The following RPA1 variants were observed in gnomAD, a reference collection of about 807,000 sequenced individuals.
RPA1 encodes replication protein A 70 kDa DNA-binding subunit.
A neutral mutation model predicts 83.0 loss-of-function variants in RPA1; 49 were observed. The ratio of observed to expected loss-of-function variants is 0.59; its 90% CI spans 0.47 to 0.75. The LOEUF is 0.75. RPA1 is among the 30% of genes least tolerant of loss of function. The pLI is 0.00. For missense variants in RPA1, 693 were observed against 776.1 expected (o/e 0.89, Z 1.27); for synonymous variants, 279 against 281.8 (o/e 0.99, Z 0.10).
rs565912570 is a variant in RPA1 at position 1,858,596 on chromosome 17, T to G, written c.361+5407T>G. Reference sequence around the variant, plus strand: ...CTCCCACATCAGCCTCCTGAGTAGCTGGGACTATTGGTGTGTGCCACCATG... The same window carrying G: ...CTCCCACATCAGCCTCCTGAGTAGCGGGGACTATTGGTGTGTGCCACCATG... On this transcript the variant is annotated intron_variant, in intron 5 of 16. Transcript: ENST00000254719. The G allele has an allele frequency of 1.3e-4, 78 of 608,466 alleles. No individual in the cohort carries two copies. The East Asian group carries it at 2.2e-3, about 17-fold the overall frequency. 37.7% of individuals were successfully genotyped at this position (608,466 alleles called of 1,614,324 possible). A position where few individuals can be genotyped will look rare whatever the true frequency, so the allele number is the denominator to read the frequency against.
chr17:1,842,672 T>G, intron 1 of RPA1, 131 bp from the exon 2 acceptor site: 1 of 713,776 alleles, frequency 1.4e-6, no homozygotes, highest in Non-Finnish European at 2.4e-6. Flanking sequence ...ACTAGATGCT[T>G]CAGCTGACAG....
intron 1 of RPA1, among the ~76,000 whole-genome samples, chr17:1,841,705 T>A (rs1597420251): frequency 1.3e-5 from 2 of 152,196 alleles, no homozygotes; most frequent in East Asian, 3.8e-4. Flanking sequence ...CTTGCCTTAT[T>A]CCCAATCTTA....
In RPA1 at chr17:1,877,147, T is replaced by C. The variant is rs1005751298; in HGVS notation, c.588-65T>C. 6 of 1,446,404 alleles carry C rather than the reference T, an allele frequency of 4.1e-6. No homozygotes were observed. The African/African-American group carries it at 8.4e-5, about 20-fold the overall frequency. The allele number at this position is 1,446,404 out of a possible 1,614,324, so 89.6% of individuals were successfully genotyped here. A position where few individuals can be genotyped will look rare whatever the true frequency, so the allele number is the denominator to read the frequency against. On this transcript the variant is annotated intron_variant, in intron 7 of 16. Transcript: ENST00000254719. ...TAAGACGAGAAAGGCTGTAGGAAGA[T>C]GATTTCTTACTTGATCTTTTCCAAG...
chr17:1,847,808 A>T (rs12939234), intron 4 of RPA1, among the ~76,000 whole-genome samples: 62,300 of 151,634 alleles, frequency 0.41, 13,080 homozygotes, highest in East Asian at 0.53. Flanking sequence ...GATCACAAGG[A>T]CAGGAGATCG....
At chr17:1,875,162 C>T (rs563784000) in intron 6 of RPA1, among the ~76,000 whole-genome samples, 181 of 152,326 alleles carry the variant, frequency 1.2e-3, no homozygotes, top group Middle Eastern at 3.4e-3. Flanking sequence ...TCTAGACTTG[C>T]TAGTCCTTCA....
At chr17:1,872,132 A>C in intron 5 of RPA1, 1 of 370,128 alleles carries the variant, frequency 2.7e-6, no homozygotes, top group Non-Finnish European at 5.1e-6. Flanking sequence ...CAGTGACTTT[A>C]CTGCAGGTTG....
chr17:1,842,227 T>C (rs1912076827), intron 1 of RPA1, among the ~76,000 whole-genome samples: 1 of 152,168 alleles, frequency 6.6e-6, no homozygotes, highest in Non-Finnish European at 1.5e-5. Flanking sequence ...TATTGTCTTT[T>C]CTATTTTCTG....
chr17:1,866,858 A>G (rs1295147522), intron 5 of RPA1, among the ~76,000 whole-genome samples: 3 of 152,152 alleles, frequency 2.0e-5, no homozygotes, highest in East Asian at 1.9e-4. Flanking sequence ...TTTTCACACA[A>G]CTTGGAATGT....
intron 1 of RPA1, among the ~76,000 whole-genome samples, chr17:1,830,350 A>G (rs1417266465): frequency 1.3e-5 from 2 of 152,170 alleles, no homozygotes; most frequent in African/African-American, 4.8e-5. Flanking sequence ...TTTCCTACGT[A>G]AGAACAAACT....
chr17:1,848,829 C>G (rs1014310327), intron 4 of RPA1, among the ~76,000 whole-genome samples: 3 of 151,872 alleles, frequency 2.0e-5, no homozygotes, highest in Non-Finnish European at 4.4e-5. Context: ...CTCCCAAAGT[C>G]CTAGGATTAC....
At position 1,879,235 on chromosome 17, in the gene RPA1, C is replaced by T. The variant is rs1913681954; in HGVS notation, c.780C>T (p.Gly260=). The part of the protein sequence containing the change: ...EVNKVYYFSK[G]TLKIANKQFT... ...CGCAGGTGTATTATTTCTCGAAAGG[C>T]ACCCTGAAGATTGCTAACAAGCAGT... Residue 260 remains glycine (G), a synonymous_variant, in exon 10 of 17, where the codon GGC becomes GGT. Coordinates refer to ENST00000254719, the MANE Select transcript of RPA1 (RefSeq NM_002945.5). 3.2e-5 allele frequency: 52 copies of T among 1,613,870 alleles called. No individual in the cohort carries two copies. Among genetic ancestry groups the T allele is most frequent in the Non-Finnish European group, 4.4e-5 (52 of 1,179,906 alleles).
At chr17:1,888,182 T>C (rs17292294) in intron 13 of RPA1, among the ~76,000 whole-genome samples, 3 of 152,204 alleles carry the variant, frequency 2.0e-5, no homozygotes, top group African/African-American at 2.4e-5. Context: ...TGCTGATCCC[T>C]GGCCTAAACA....
intron 14 of RPA1, among the ~76,000 whole-genome samples, chr17:1,891,247 G>C (rs1488217806): frequency 6.6e-6 from 1 of 152,142 alleles, no homozygotes; most frequent in Non-Finnish European, 1.5e-5. Context: ...CATTTCCTTT[G>C]CCAGGTCAAT....
At chr17:1,874,841 G>A (rs572120833) in intron 6 of RPA1, among the ~76,000 whole-genome samples, 5 of 152,320 alleles carry the variant, frequency 3.3e-5, no homozygotes, top group African/African-American at 1.2e-4. Context: ...TGGAAACCCA[G>A]TAAATAAATA....
chr17:1,877,984 A>T (rs1913632879), intron 8 of RPA1, among the ~76,000 whole-genome samples: 1 of 152,156 alleles, frequency 6.6e-6, no homozygotes, highest in Non-Finnish European at 1.5e-5. Context: ...TAATCCCAAC[A>T]CTTTGGGAGG....
chr17:1,886,244 A>C (rs1002576410), intron 13 of RPA1, among the ~76,000 whole-genome samples: 1 of 152,238 alleles, frequency 6.6e-6, no homozygotes, highest in Non-Finnish European at 1.5e-5. Flanking sequence ...TGGGCTTAAA[A>C]TATTCAATAA....
rs1914129507 is a variant in RPA1, at chr17:1,889,612, A to G, written c.1551+761A>G. Among the ~76,000 whole-genome samples the G allele has an allele frequency of 4.6e-5, 7 of 152,208 alleles. No individual in the cohort carries two copies. The South Asian group carries it at 1.5e-3, about 32-fold the overall frequency. On this transcript the variant is annotated intron_variant, in intron 14 of 16. Transcript: ENST00000254719. ...CACCTCAGCCTTCCAAAGTGCTGGC[A>G]TTACAAGCCTGAGCCACTGCACCCG...
chr17:1,888,990 C>T, intron 14 of RPA1, 139 bp downstream of exon 14: 3 of 873,886 alleles, frequency 3.4e-6, no homozygotes, highest in Non-Finnish European at 3.4e-6. Flanking sequence ...AGAGCTTATC[C>T]ATCCGCTTTT....
At chr17:1,888,168 A>G (rs1160427401) in intron 13 of RPA1, among the ~76,000 whole-genome samples, 1 of 152,220 alleles carries the variant, frequency 6.6e-6, no homozygotes, top group African/African-American at 2.4e-5. Context: ...TTACAGAAGC[A>G]GCTTGCTGAT....
Sources: allele counts gnomAD v4.1 joint callset (sites outside exome capture counted in the v4.1 genomes callset), GRCh38; gene constraint gnomAD v4.1.1; transcripts MANE v1.5; gene names NCBI Gene and HGNC (gene_info 2026-07-23, HGNC 2026-07-21).